The following WDPCP variants were observed in gnomAD, a reference collection of about 807,000 sequenced individuals.
WDPCP encodes WD repeat-containing and planar cell polarity effector protein fritz homolog.
Under a neutral mutation model 93.1 loss-of-function variants are expected in WDPCP, and 71 were observed. The ratio of observed to expected loss-of-function variants is 0.76; its 90% CI spans 0.63 to 0.93. WDPCP has a LOEUF of 0.93. Ranked by LOEUF, WDPCP falls within the 40% of genes least tolerant of loss-of-function variation. WDPCP has a pLI of 0.00. For synonymous variants in WDPCP, 315 were observed against 315.0 expected, an observed-to-expected ratio of 1.00 and a Z score of 0.00; for missense variants, 844 against 887.4, an observed-to-expected ratio of 0.95 and a Z score of 0.62.
At chr2:63,420,377 CAG>C (rs938008842) in intron 9 of WDPCP, among the ~76,000 whole-genome samples, 14 of 71,214 alleles carry the variant, frequency 2.0e-4, no homozygotes, top group African/African-American at 4.3e-4. Flanking sequence ...AAAAAAAAAA[CAG>C]AAAAATTAGC....
intron 2 of WDPCP, among the ~76,000 whole-genome samples, chr2:63,742,370 A>G (rs977353239): frequency 2.0e-5 from 3 of 151,914 alleles, no homozygotes; most frequent in Non-Finnish European, 4.4e-5. Flanking sequence ...TCTTAATTAA[A>G]GTGCCATGTA....
chr2:63,229,312 C>A (rs1344959153), intron 14 of WDPCP: 3 of 152,114 alleles, frequency 2.0e-5, no homozygotes, highest in African/African-American at 7.2e-5. Flanking sequence ...TATTTGAGTT[C>A]TTTGTAGATT....
chr2:63,355,416 C>T (rs1689947866), intron 12 of WDPCP, among the ~76,000 whole-genome samples: 4 of 152,114 alleles, frequency 2.6e-5, no homozygotes, highest in South Asian at 2.1e-4. Flanking sequence ...TAGTTCATTA[C>T]CACCAGGCCT....
At chr2:63,752,438 T>A (rs1451993910) in intron 2 of WDPCP, 1 of 767,254 alleles carries the variant, frequency 1.3e-6, no homozygotes, top group Non-Finnish European at 2.3e-6. Flanking sequence ...TGCATCCACC[T>A]CCTCCATAGT....
intron 13 of WDPCP, among the ~76,000 whole-genome samples, chr2:63,310,512 T>C (rs951973600): frequency 6.6e-6 from 1 of 151,832 alleles, no homozygotes; most frequent in Non-Finnish European, 1.5e-5. Context: ...CTAAGAATGG[T>C]TTTTGGAAAA....
chr2:63,643,676 A>G, intron 3 of WDPCP: 2 of 469,842 alleles, frequency 4.3e-6, no homozygotes, highest in Non-Finnish European at 8.5e-6. Context: ...CTCACTTTGC[A>G]CAACTTGTAC....
intron 13 of WDPCP, among the ~76,000 whole-genome samples, chr2:63,264,057 TAA>T (rs10713935): frequency 1.3e-5 from 2 of 150,872 alleles, no homozygotes; most frequent in African/African-American, 4.9e-5. Context: ...TCCTTTTTCT[TAA>T]AAAAAAAATT....
chr2:63,195,526 A>G (rs1675360471), intron 14 of WDPCP, among the ~76,000 whole-genome samples: 2 of 152,112 alleles, frequency 1.3e-5, no homozygotes. Context: ...TGCAGTGATC[A>G]CAGATCACTG....
chr2:63,635,369 T>C (rs1386485593), intron 3 of WDPCP, among the ~76,000 whole-genome samples: 1 of 152,196 alleles, frequency 6.6e-6, no homozygotes, highest in East Asian at 1.9e-4. Flanking sequence ...AACCTCATTT[T>C]ATGAAGCCAG....
At chr2:63,602,041 G>T (rs1709428919) in intron 3 of WDPCP, among the ~76,000 whole-genome samples, 1 of 152,210 alleles carries the variant, frequency 6.6e-6, no homozygotes, top group East Asian at 1.9e-4. Flanking sequence ...AAACCCAACT[G>T]TGAACTAATT....
At chr2:63,696,119 T>C (rs1668957414) in intron 2 of WDPCP, among the ~76,000 whole-genome samples, 1 of 152,082 alleles carries the variant, frequency 6.6e-6, no homozygotes, top group Admixed American at 6.5e-5. Flanking sequence ...TAAGAGATAA[T>C]AAAGGCAGAA....
chr2:63,467,362 C>A (rs1030747552), intron 6 of WDPCP, among the ~76,000 whole-genome samples: 1 of 151,828 alleles, frequency 6.6e-6, no homozygotes, highest in Non-Finnish European at 1.5e-5. Flanking sequence ...CACTTATAAT[C>A]CCAGCTGCTC....
intron 17 of WDPCP, among the ~76,000 whole-genome samples, chr2:63,150,453 G>A (rs1213888319): frequency 6.6e-6 from 1 of 152,168 alleles, no homozygotes; most frequent in Non-Finnish European, 1.5e-5. Context: ...CAGCCCAAGA[G>A]CAAATAATTA....
intron 13 of WDPCP, among the ~76,000 whole-genome samples, chr2:63,290,620 T>C (rs1684343551): frequency 2.6e-5 from 4 of 152,130 alleles, no homozygotes; most frequent in Admixed American, 2.6e-4. Flanking sequence ...TTCAATTTAA[T>C]TTCACTAATT....
intron 1 of WDPCP, among the ~76,000 whole-genome samples, chr2:63,551,272 G>A (rs1231859002): frequency 6.6e-6 from 1 of 152,024 alleles, no homozygotes; most frequent in Non-Finnish European, 1.5e-5. Flanking sequence ...CTGTAATATA[G>A]TTTGGATTGC....
At chr2:63,808,252 A>G (rs1670796496) in intron 2 of WDPCP, among the ~76,000 whole-genome samples, 1 of 151,940 alleles carries the variant, frequency 6.6e-6, no homozygotes, top group African/African-American at 2.4e-5. Flanking sequence ...AAACATAGAG[A>G]ACATTTTATC....
At chr2:63,125,850 A>G (rs575831498) in intron 17 of WDPCP, among the ~76,000 whole-genome samples, 23 of 150,742 alleles carry the variant, frequency 1.5e-4, no homozygotes, top group African/African-American at 4.4e-4. Context: ...ACCTCAGGCA[A>G]TCTCCCCACC....
chr2:63,217,474 C>T (rs1006108939), intron 14 of WDPCP, among the ~76,000 whole-genome samples: 1 of 152,052 alleles, frequency 6.6e-6, no homozygotes, highest in African/African-American at 2.4e-5. Flanking sequence ...AATCCTTGAC[C>T]TTAGTATTAT....
At chr2:63,444,832 C>A (rs1044895456) in intron 6 of WDPCP, among the ~76,000 whole-genome samples, 2 of 152,146 alleles carry the variant, frequency 1.3e-5, no homozygotes, top group African/African-American at 4.8e-5. Context: ...CCCCGCCAGA[C>A]AAAAAGTACC....
Sources: allele counts gnomAD v4.1 joint callset (sites outside exome capture counted in the v4.1 genomes callset), GRCh38; gene constraint gnomAD v4.1.1; transcripts MANE v1.5; gene names NCBI Gene and HGNC (gene_info 2026-07-23, HGNC 2026-07-21).